The following KLHL4 variants were observed in gnomAD, a reference collection of about 807,000 sequenced individuals.
KLHL4 encodes kelch like family member 4.
Under a neutral mutation model 45.8 loss-of-function variants are expected in KLHL4, and 17 were observed. The ratio of observed to expected loss-of-function variants is 0.37; its 90% CI spans 0.25 to 0.56. The LOEUF is 0.56. Among genes scored for constraint, KLHL4 ranks in the 20% least tolerant of loss-of-function variants. The pLI, the probability that KLHL4 is intolerant of heterozygous loss-of-function variation, is 0.79. For missense variants in KLHL4, 544 were observed against 544.9 expected (o/e 1.00, Z 0.02); for synonymous variants, 224 against 189.9 (o/e 1.18, Z -1.47).
intron 1 of KLHL4, among the ~76,000 whole-genome samples, chrX:87,550,597 A>G (rs1403471484): frequency 9.0e-6 from 1 of 111,699 alleles, no homozygotes; most frequent in Non-Finnish European, 1.9e-5. Flanking sequence ...CATAGATGCT[A>G]AAATCCTTAA....
intron 1 of KLHL4, among the ~76,000 whole-genome samples, chrX:87,559,723 A>G (rs1314199715): frequency 1.8e-5 from 2 of 111,497 alleles, no homozygotes; most frequent in African/African-American, 6.5e-5. Context: ...ACACAGAAAA[A>G]GGTGTATAAA....
intron 1 of KLHL4, among the ~76,000 whole-genome samples, chrX:87,534,630 C>T (rs1157395750): frequency 9.0e-6 from 1 of 110,906 alleles, no homozygotes; most frequent in African/African-American, 3.3e-5. Flanking sequence ...GGAGGTCCTT[C>T]CCTGAAGGAG....
rs191604041 is a variant in KLHL4 at position 87,619,903 on chromosome X, A to G, written c.924+1775A>G. The stretch of plus-strand genomic sequence containing the variant: ...CTGGATTGATAGTTTAATAATGCAA[A>G]TAATTTTAATGTCTAAGAATAATAC... On this transcript the variant is annotated intron_variant, in intron 4 of 10. Coordinates refer to ENST00000373119, the MANE Select transcript of KLHL4 (RefSeq NM_019117.5). Among the ~76,000 whole-genome samples, 5 of 112,022 alleles carry G rather than the reference A, an allele frequency of 4.5e-5. No individual in the cohort carries two copies. In the East Asian group the frequency reaches 1.4e-3, roughly 31 times the overall value.
intron 9 of KLHL4, among the ~76,000 whole-genome samples, chrX:87,648,778 C>A (rs1271197676): frequency 1.8e-5 from 2 of 111,634 alleles, no homozygotes; most frequent in Non-Finnish European, 1.9e-5. Context: ...GGCTCTCTAG[C>A]ACTCAGTGTA....
chrX:87,557,902 A>G (rs942085255), intron 1 of KLHL4, among the ~76,000 whole-genome samples: 2 of 111,332 alleles, frequency 1.8e-5, no homozygotes, highest in African/African-American at 6.5e-5. Context: ...GGCTCTGGGC[A>G]TGTGGAGCCA....
chrX:87,579,004 C>T (rs564031768), intron 1 of KLHL4, among the ~76,000 whole-genome samples: 151 of 111,577 alleles, frequency 1.4e-3, no homozygotes, highest in South Asian at 0.011. Context: ...TCAACTAGAA[C>T]AGTAATAGAA....
intron 9 of KLHL4, among the ~76,000 whole-genome samples, chrX:87,661,708 C>G (rs1413298611): frequency 1.8e-5 from 2 of 111,795 alleles, no homozygotes; most frequent in South Asian, 7.3e-4. Flanking sequence ...TAATTACACT[C>G]CCAAATTTAC....
At chrX:87,565,069 A>C (rs1326339149) in intron 1 of KLHL4, among the ~76,000 whole-genome samples, 1 of 112,355 alleles carries the variant, frequency 8.9e-6, no homozygotes, top group Non-Finnish European at 1.9e-5. Flanking sequence ...TGAACAAGGA[A>C]TGGGTGAACA....
rs1342867891 is a variant in KLHL4 at position 87,518,262 on chromosome X, C to A, written c.369C>A (p.Arg123=). 2 of 1,211,214 alleles carry A rather than the reference C, an allele frequency of 1.7e-6. No individual in the cohort carries two copies. The highest frequency in any genetic ancestry group is 2.2e-6 in the Non-Finnish European group (2 of 895,139). The part of the protein sequence containing the change: ...KNLFKEACEK[R]AQDLEMMADD... ...TATTCAAAGAAGCTTGTGAGAAACGCGCACAAGATTTGGAGATGATGGCTG... is the reference window on the plus strand; with the variant it reads ...TATTCAAAGAAGCTTGTGAGAAACGAGCACAAGATTTGGAGATGATGGCTG... Residue 123 remains arginine (R), a synonymous_variant, in exon 1 of 11, where the codon CGC becomes CGA. Transcript: ENST00000373119.
At position 87,573,751 on chromosome X, in the gene KLHL4, C is replaced by A. The variant is rs1317117714; in HGVS notation, c.423-40126C>A. 2.7e-5 allele frequency among the ~76,000 whole-genome samples: 3 copies of A among 111,407 alleles called. No homozygotes were observed. In the Admixed American group the frequency reaches 2.9e-4, roughly 11 times the overall value. ...GTGCTCAATAAAATGTTTCACTATA[C>A]CTGATGATTTGAATACATACTTGGC... On this transcript the variant is annotated intron_variant, in intron 1 of 10. Transcript: ENST00000373119.
chrX:87,565,241 G>T (rs6617437), intron 1 of KLHL4, among the ~76,000 whole-genome samples: 27,559 of 110,525 alleles, frequency 0.25, 2,932 homozygotes, highest in East Asian at 0.51. Flanking sequence ...TATTTTTATA[G>T]CTTAAGGTAA....
At chrX:87,559,781 G>T (rs775729629) in intron 1 of KLHL4, among the ~76,000 whole-genome samples, 1 of 101,220 alleles carries the variant, frequency 9.9e-6, no homozygotes, top group South Asian at 4.5e-4. Context: ...CATAAAATTT[G>T]TATACTAATA....
chrX:87,662,042 A>G (rs1165431104), intron 9 of KLHL4, among the ~76,000 whole-genome samples: 1 of 111,808 alleles, frequency 8.9e-6, no homozygotes, highest in African/African-American at 3.2e-5. Flanking sequence ...CTAAGTGAGT[A>G]TGGTTGTTTT....
At chrX:87,598,661 C>A (rs1470409134) in intron 1 of KLHL4, among the ~76,000 whole-genome samples, 2 of 111,327 alleles carry the variant, frequency 1.8e-5, no homozygotes, top group East Asian at 5.7e-4. Flanking sequence ...AATCTCTAGG[C>A]ATATTGGCAA....
At chrX:87,637,523 C>T (rs1437863350) in intron 9 of KLHL4, among the ~76,000 whole-genome samples, 1 of 111,697 alleles carries the variant, frequency 9.0e-6, no homozygotes, top group Non-Finnish European at 1.9e-5. Context: ...AGAAGGTCAA[C>T]TATTAAGCCA....
At chrX:87,582,805 C>T (rs981699723) in intron 1 of KLHL4, among the ~76,000 whole-genome samples, 4 of 111,440 alleles carry the variant, frequency 3.6e-5, no homozygotes, top group African/African-American at 1.3e-4. Context: ...TGGCACGGAC[C>T]CAAATAGTGA....
chrX:87,589,332 A>G (rs896940250), intron 1 of KLHL4, among the ~76,000 whole-genome samples: 4 of 112,135 alleles, frequency 3.6e-5, no homozygotes, highest in African/African-American at 1.3e-4. Context: ...AAAGGAAATC[A>G]GTATATTGAA....
intron 1 of KLHL4, among the ~76,000 whole-genome samples, chrX:87,541,259 G>T (rs191137161): frequency 9.2e-6 from 1 of 108,948 alleles, no homozygotes; most frequent in African/African-American, 3.3e-5. Context: ...GGCCGAGGGG[G>T]GTGGATCATG....
At position 87,555,079 on chromosome X, in the gene KLHL4, T is replaced by C. The variant is rs986260003; in HGVS notation, c.422+36764T>C. On this transcript the variant is annotated intron_variant, in intron 1 of 10. Transcript: ENST00000373119. ...CCCAGGGATGAAGCCCCCTTGATAA[T>C]GGTGGATAAGCTTTTTGATGTGCTG... Among the ~76,000 whole-genome samples, 2 of 97,849 alleles carry C rather than the reference T, an allele frequency of 2.0e-5. 1 individual carries two copies. Among genetic ancestry groups the C allele is most frequent in the Non-Finnish European group, 4.0e-5 (2 of 49,638 alleles). The allele number at this position is 97,849 out of a possible 115,157, so 85.0% of individuals were successfully genotyped here.
Sources: allele counts gnomAD v4.1 joint callset (sites outside exome capture counted in the v4.1 genomes callset), GRCh38; gene constraint gnomAD v4.1.1; transcripts MANE v1.5; gene names NCBI Gene and HGNC (gene_info 2026-07-23, HGNC 2026-07-21).